ASCC3: variants seen among roughly 807,000 people sequenced by gnomAD.
The protein encoded by ASCC3 is activating signal cointegrator 1 complex subunit 3, also known as ASC-1 complex subunit P200.
ASCC3 carries 158 observed loss-of-function variants against 256.3 expected under a neutral mutation model. The observed-to-expected ratio is 0.62, with a 90% CI of 0.54 to 0.70. The LOEUF is 0.70. Among genes scored for constraint, ASCC3 ranks in the 30% least tolerant of loss-of-function variants. The pLI is 0.00. For missense variants in ASCC3, 2,259 were observed against 2,626.0 expected (o/e 0.86, Z 3.05); for synonymous variants, 948 against 883.4 (o/e 1.07, Z -1.30).
At chr6:100,844,262 T>C (rs1231102626) in intron 4 of ASCC3, among the ~76,000 whole-genome samples, 1 of 150,958 alleles carries the variant, frequency 6.6e-6, no homozygotes, top group African/African-American at 2.4e-5. Context: ...TGAGCCTCAG[T>C]TTTTTTAACC....
At chr6:100,531,619 T>G (rs1450348406) in intron 37 of ASCC3, among the ~76,000 whole-genome samples, 3 of 151,960 alleles carry the variant, frequency 2.0e-5, no homozygotes, top group Non-Finnish European at 4.4e-5. Context: ...GACTAGAGTA[T>G]CTGATGAAAA....
intron 8 of ASCC3, among the ~76,000 whole-genome samples, chr6:100,786,489 T>A (rs1173070071): frequency 3.3e-5 from 5 of 152,192 alleles, no homozygotes; most frequent in Non-Finnish European, 5.9e-5. Context: ...TGATTCAACA[T>A]CTGTAATATT....
rs537972753 is a variant in ASCC3 at position 100,545,254 on chromosome 6, C to A, written c.5551-4867G>T. Among the ~76,000 whole-genome samples the A allele has an allele frequency of 4.6e-5, 7 of 151,562 alleles. No individual in the cohort carries two copies. The South Asian group carries it at 1.5e-3, about 32-fold the overall frequency. On this transcript the variant is annotated intron_variant, in intron 36 of 41. Coordinates refer to ENST00000369162, the MANE Select transcript of ASCC3 (RefSeq NM_006828.4). ...GTGCAGTGGCACCATCTCGGTTCAC[C>A]GCAACCTCTACCTCCCAGGTTCAAG...
chr6:100,658,682 A>G (rs79562731), intron 16 of ASCC3, among the ~76,000 whole-genome samples: 4,551 of 151,516 alleles, frequency 0.03, 76 homozygotes, highest in African/African-American at 0.054. Context: ...AGTGAATAGA[A>G]TAACAACAGC....
intron 4 of ASCC3, among the ~76,000 whole-genome samples, chr6:100,829,937 G>A (rs543942093): frequency 6.2e-4 from 95 of 152,058 alleles, no homozygotes; most frequent in Admixed American, 1.8e-3. Context: ...TGCAACAGTC[G>A]ATCTGATAAC....
intron 30 of ASCC3, among the ~76,000 whole-genome samples, chr6:100,613,402 G>A (rs989360675): frequency 5.9e-5 from 9 of 151,834 alleles, no homozygotes; most frequent in African/African-American, 2.2e-4. Flanking sequence ...TGCAATATTT[G>A]GCTTTCTGTG....
At chr6:100,761,858 T>C (rs1239690623) in intron 10 of ASCC3, among the ~76,000 whole-genome samples, 4 of 152,290 alleles carry the variant, frequency 2.6e-5, no homozygotes, top group South Asian at 4.1e-4. Context: ...TTTATAGATA[T>C]ACAGATAAAA....
At position 100,679,755 on chromosome 6, in the gene ASCC3, G is replaced by C. The variant is rs1202488316; in HGVS notation, c.2152-3C>G. The stretch of plus-strand genomic sequence containing the variant: ...CGAGCATGTACAAACACCATCACCT[G>C]AAAAAAAGGAAAGCAGTTTATTTAA... On this transcript the variant is annotated splice_polypyrimidine_tract_variant and splice_region_variant and intron_variant, in intron 13 of 41. Transcript: ENST00000369162. The C allele has an allele frequency of 6.2e-7, 1 of 1,612,642 alleles. No individual in the cohort carries two copies. The highest frequency in any genetic ancestry group is 8.5e-7 in the Non-Finnish European group (1 of 1,179,312).
intron 10 of ASCC3, among the ~76,000 whole-genome samples, chr6:100,746,150 ATTTT>A: frequency 6.8e-6 from 1 of 146,050 alleles, no homozygotes; most frequent in Non-Finnish European, 1.6e-5. Flanking sequence ...TAACAGAACA[ATTTT>A]TAAAATAAAG....
chr6:100,511,266 A>C (rs1256240403), intron 40 of ASCC3, among the ~76,000 whole-genome samples: 1 of 151,822 alleles, frequency 6.6e-6, no homozygotes, highest in African/African-American at 2.4e-5. Context: ...ATAATACAAA[A>C]AATTAGCTGG....
chr6:100,788,306 A>G (rs1214998388), intron 8 of ASCC3, among the ~76,000 whole-genome samples: 5 of 151,988 alleles, frequency 3.3e-5, no homozygotes, highest in Non-Finnish European at 5.9e-5. Flanking sequence ...AAATTTTTAA[A>G]CCGACAATAT....
intron 36 of ASCC3, among the ~76,000 whole-genome samples, chr6:100,550,518 G>C (rs577439788): frequency 1.3e-5 from 2 of 151,976 alleles, no homozygotes; most frequent in African/African-American, 4.8e-5. Context: ...TACTTCATTT[G>C]GTGCTAAAGA....
At chr6:100,685,855 A>T (rs1779870334) in intron 13 of ASCC3, among the ~76,000 whole-genome samples, 2 of 152,222 alleles carry the variant, frequency 1.3e-5, no homozygotes, top group Admixed American at 1.3e-4. Context: ...AATCATCCAT[A>T]GTTAGACACT....
At chr6:100,537,246 A>G (rs1252465268) in intron 37 of ASCC3, among the ~76,000 whole-genome samples, 2 of 152,202 alleles carry the variant, frequency 1.3e-5, no homozygotes, top group African/African-American at 4.8e-5. Context: ...CACTAAGAGG[A>G]CAAACCATCA....
chr6:100,773,742 G>A (rs763516505), intron 8 of ASCC3, among the ~76,000 whole-genome samples: 1 of 152,110 alleles, frequency 6.6e-6, no homozygotes, highest in South Asian at 2.1e-4. Flanking sequence ...GAACATAATA[G>A]GCTACTAAAT....
At chr6:100,804,651 T>C (rs1053615371) in intron 5 of ASCC3, among the ~76,000 whole-genome samples, 1 of 151,920 alleles carries the variant, frequency 6.6e-6, no homozygotes, top group Non-Finnish European at 1.5e-5. Flanking sequence ...AGCCAACAAA[T>C]GCTCATCATC....
intron 30 of ASCC3, among the ~76,000 whole-genome samples, chr6:100,610,045 C>T (rs1488534503): frequency 9.9e-5 from 15 of 152,096 alleles, no homozygotes; most frequent in Non-Finnish European, 1.5e-5. Flanking sequence ...AATGTTAAGA[C>T]CAAGTGATTT....
chr6:100,868,064 T>C (rs1349233641), intron 1 of ASCC3, 26 bp from the exon 2 acceptor site: 4 of 1,290,924 alleles, frequency 3.1e-6, no homozygotes, highest in Non-Finnish European at 4.5e-6. Flanking sequence ...ATGATATTTA[T>C]CTGTTCGGAA....
chr6:100,601,487 TC>T (rs1442366702), intron 34 of ASCC3, among the ~76,000 whole-genome samples: 1 of 152,134 alleles, frequency 6.6e-6, no homozygotes, highest in Non-Finnish European at 1.5e-5. Flanking sequence ...TTTTCTGAAT[TC>T]CAACTGCATC....
Sources: gnomAD v4.1 joint callset for allele counts (sites outside exome capture counted in the v4.1 genomes callset) on GRCh38, gnomAD v4.1.1 for gene constraint, MANE v1.5 for transcripts, NCBI Gene and HGNC (gene_info 2026-07-23, HGNC 2026-07-21) for gene names.